The following TMEM132D variants were observed in gnomAD, a reference collection of about 807,000 sequenced individuals.
TMEM132D encodes mature OL transmembrane protein.
TMEM132D carries 21 observed loss-of-function variants against 62.3 expected under a neutral mutation model. The ratio of observed to expected loss-of-function variants is 0.34; its 90% CI spans 0.24 to 0.49. TMEM132D has a LOEUF of 0.49. TMEM132D is among the 20% of genes least tolerant of loss of function. The pLI is 0.99. For synonymous variants in TMEM132D, 621 were observed against 575.6 expected, an observed-to-expected ratio of 1.08 and a Z score of -1.13; for missense variants, 1,346 against 1,402.8, an observed-to-expected ratio of 0.96 and a Z score of 0.65.
intron 3 of TMEM132D, among the ~76,000 whole-genome samples, chr12:129,506,635 C>T (rs776245758): frequency 6.6e-6 from 1 of 152,028 alleles, no homozygotes; most frequent in Non-Finnish European, 1.5e-5. Flanking sequence ...ACAAATGGTG[C>T]TGGGATAACT....
chr12:129,797,235 C>A lies in TMEM132D; in HGVS notation c.80-96537G>T, dbSNP rs1001262076. ...CTTTACTTTCAGGGTCTTTCACTTGCCTGTCTCCCGGGAGGGCTACCCACA... is the reference window on the plus strand; with the variant it reads ...CTTTACTTTCAGGGTCTTTCACTTGACTGTCTCCCGGGAGGGCTACCCACA... On this transcript the variant is annotated intron_variant, in intron 1 of 8. Coordinates refer to ENST00000422113, the MANE Select transcript of TMEM132D (RefSeq NM_133448.3). Among the ~76,000 whole-genome samples the A allele has an allele frequency of 4.5e-4, 68 of 152,270 alleles. 1 individual carries two copies. The highest frequency in any genetic ancestry group is 3.4e-3 in the Middle Eastern group (1 of 294).
At chr12:129,587,022 T>C (rs954977792) in intron 2 of TMEM132D, among the ~76,000 whole-genome samples, 5 of 152,132 alleles carry the variant, frequency 3.3e-5, no homozygotes, top group African/African-American at 1.2e-4. Context: ...TGGAAAATGC[T>C]AATAAAAAAT....
At chr12:129,227,551 G>A (rs1879513786) in intron 4 of TMEM132D, among the ~76,000 whole-genome samples, 1 of 149,060 alleles carries the variant, frequency 6.7e-6, no homozygotes, top group Non-Finnish European at 1.5e-5. Flanking sequence ...CCAAGGAAGA[G>A]GAAACCACAA....
At chr12:129,663,835 T>A (rs944701606) in intron 2 of TMEM132D, among the ~76,000 whole-genome samples, 3 of 152,204 alleles carry the variant, frequency 2.0e-5, no homozygotes, top group Admixed American at 1.3e-4. Flanking sequence ...TTATGAGAGA[T>A]CCTTGGAGAA....
chr12:129,383,010 C>T (rs571184976), intron 3 of TMEM132D, among the ~76,000 whole-genome samples: 47 of 152,232 alleles, frequency 3.1e-4, no homozygotes, highest in African/African-American at 7.5e-4. Context: ...ATCATTGGGT[C>T]GCTAGGCTGC....
chr12:129,159,773 A>G (rs1238999001), intron 5 of TMEM132D, among the ~76,000 whole-genome samples: 4 of 147,814 alleles, frequency 2.7e-5, no homozygotes, highest in East Asian at 4.0e-4. Flanking sequence ...AAAAAAAAAA[A>G]AAAAGAAAGA....
chr12:129,281,608 G>A (rs960139187), intron 4 of TMEM132D, among the ~76,000 whole-genome samples: 2 of 151,092 alleles, frequency 1.3e-5, no homozygotes, highest in African/African-American at 2.4e-5. Context: ...AGACCAGAAG[G>A]AATCTTCCTG....
Position 129,731,510 on chromosome 12 carries a change from A to G in TMEM132D, c.80-30812T>C, listed in dbSNP as rs116087879. ...AATAAGGGAGGAAGTAACCAAGGGC[A>G]TATCCAGGGAGGACACTGAAGACCT... On this transcript the variant is annotated intron_variant, in intron 1 of 8. Transcript: ENST00000422113. 4.9e-3 allele frequency among the ~76,000 whole-genome samples: 749 copies of G among 152,296 alleles called. 8 individuals are homozygous for G. Among genetic ancestry groups the G allele is most frequent in the African/African-American group, 0.017 (722 of 41,562 alleles).
intron 3 of TMEM132D, among the ~76,000 whole-genome samples, chr12:129,380,485 C>T (rs1047249643): frequency 6.6e-6 from 1 of 152,124 alleles, no homozygotes; most frequent in Non-Finnish European, 1.5e-5. Context: ...AATTCTAGTG[C>T]AATATCACAG....
At chr12:129,813,030 C>A (rs1039963095) in intron 1 of TMEM132D, among the ~76,000 whole-genome samples, 1 of 151,826 alleles carries the variant, frequency 6.6e-6, no homozygotes, top group Admixed American at 6.6e-5. Flanking sequence ...CACTTCTTTC[C>A]GTCTCGGCGC....
rs190324025 is a variant in TMEM132D at position 129,502,974 on chromosome 12, G to A, written c.1115+28085C>T. On this transcript the variant is annotated intron_variant, in intron 3 of 8. Transcript: ENST00000422113. ...TAACCTTCATGAGGGCAAGAACCTT[G>A]ACTGTCTATCTTATTGCTATATCTC... Among the ~76,000 whole-genome samples the A allele has an allele frequency of 5.1e-3, 771 of 152,272 alleles. 3 individuals are homozygous for A. Among genetic ancestry groups the A allele is most frequent in the Non-Finnish European group, 8.3e-3 (566 of 68,018 alleles).
intron 1 of TMEM132D, among the ~76,000 whole-genome samples, chr12:129,743,677 T>C (rs1190444586): frequency 6.6e-6 from 1 of 152,146 alleles, no homozygotes; most frequent in South Asian, 2.1e-4. Context: ...TTAGCTTACA[T>C]GGTGAGAGGG....
chr12:129,864,900 C>T (rs1000786901), intron 1 of TMEM132D, among the ~76,000 whole-genome samples: 3 of 152,162 alleles, frequency 2.0e-5, no homozygotes, highest in African/African-American at 7.2e-5. Flanking sequence ...GTGGCCACAA[C>T]CAATTAGACA....
At chr12:129,523,659 G>T (rs1226187871) in intron 3 of TMEM132D, among the ~76,000 whole-genome samples, 2 of 152,224 alleles carry the variant, frequency 1.3e-5, no homozygotes, top group East Asian at 3.9e-4. Flanking sequence ...TTAAATACCA[G>T]ATATATGGAT....
chr12:129,163,101 G>T (rs1267990768), intron 5 of TMEM132D, among the ~76,000 whole-genome samples: 2 of 152,168 alleles, frequency 1.3e-5, no homozygotes, highest in Non-Finnish European at 2.9e-5. Flanking sequence ...GAAATTCTTG[G>T]GCAAGACACA....
intron 4 of TMEM132D, among the ~76,000 whole-genome samples, chr12:129,240,049 G>C (rs1008655183): frequency 6.6e-6 from 1 of 152,274 alleles, no homozygotes; most frequent in Admixed American, 6.5e-5. Flanking sequence ...AGTCTAAAGA[G>C]GTAGACTTCC....
intron 2 of TMEM132D, among the ~76,000 whole-genome samples, chr12:129,647,803 C>T (rs1453453733): frequency 1.3e-5 from 2 of 152,012 alleles, no homozygotes; most frequent in Non-Finnish European, 2.9e-5. Context: ...CTTTAAGCAT[C>T]CTGGGTAATA....
At chr12:129,775,688 C>A (rs1870899351) in intron 1 of TMEM132D, among the ~76,000 whole-genome samples, 1 of 152,192 alleles carries the variant, frequency 6.6e-6, no homozygotes, top group Non-Finnish European at 1.5e-5. Context: ...TAAATGGCAT[C>A]CAGTTGCGAT....
In TMEM132D at chr12:129,903,015, A is replaced by G. The variant is rs1156988179; in HGVS notation, c.79+246T>C. On this transcript the variant is annotated intron_variant, in intron 1 of 8. Transcript: ENST00000422113. The surrounding 1 kb of genome is among the most constrained non-coding windows in gnomAD (Gnocchi z 6.2). ...AGCCTTCCTTTCCTTTCGGCTCCTT[A>G]GTAGTCTCACCTAAGGCCTCCCACC... Among the ~76,000 whole-genome samples the G allele has an allele frequency of 2.6e-5, 4 of 152,028 alleles. No homozygotes were observed. Among genetic ancestry groups the G allele is most frequent in the African/African-American group, 7.3e-5 (3 of 41,370 alleles).
Sources: gnomAD v4.1 joint callset for allele counts (sites outside exome capture counted in the v4.1 genomes callset) on GRCh38, gnomAD v4.1.1 for gene constraint, Gnocchi (gnomAD v3.1) non-coding constraint, MANE v1.5 for transcripts, NCBI Gene and HGNC (gene_info 2026-07-23, HGNC 2026-07-21) for gene names.